The following PELI1 variants were observed in gnomAD, a reference collection of about 807,000 sequenced individuals.
The protein encoded by PELI1 is pellino E3 ubiquitin protein ligase 1.
PELI1 carries 15 observed loss-of-function variants against 41.3 expected under a neutral mutation model. The observed-to-expected ratio is 0.36, with a 90% CI of 0.24 to 0.56. The LOEUF (loss-of-function observed/expected upper bound fraction) is 0.56, where lower values mean the gene tolerates loss of function less well. Among genes scored for constraint, PELI1 ranks in the 20% least tolerant of loss-of-function variants. The probability of loss-of-function intolerance (pLI) is 0.82; values close to 1 mark genes in which losing one functional copy is unlikely to be tolerated. For missense variants in PELI1, 403 were observed against 525.5 expected (o/e 0.77, Z 2.28); for synonymous variants, 178 against 180.1 (o/e 0.99, Z 0.09).
At chr2:64,107,897 C>T (rs1276247675) in intron 2 of PELI1, among the ~76,000 whole-genome samples, 4 of 152,124 alleles carry the variant, frequency 2.6e-5, no homozygotes, top group Admixed American at 2.6e-4. Flanking sequence ...AGGCTGGTCT[C>T]GAATTCCTGG....
chr2:64,096,943 T>C (rs1051747231), intron 4 of PELI1, among the ~76,000 whole-genome samples: 1 of 152,170 alleles, frequency 6.6e-6, no homozygotes, highest in Non-Finnish European at 1.5e-5. Context: ...ATCATGTAGT[T>C]TTTTTCTCTT....
At chr2:64,138,433 A>G (rs1474728792) in intron 1 of PELI1, among the ~76,000 whole-genome samples, 1 of 152,136 alleles carries the variant, frequency 6.6e-6, no homozygotes, top group Non-Finnish European at 1.5e-5. Flanking sequence ...ACTACCCTTT[A>G]AAACTGCATC....
chr2:64,102,272 CA>C (rs1680465573), intron 3 of PELI1, among the ~76,000 whole-genome samples: 1 of 151,982 alleles, frequency 6.6e-6, no homozygotes, highest in Non-Finnish European at 1.5e-5. Context: ...TTTCTTTCTA[CA>C]CATTTAGGTA....
At chr2:64,144,005 T>C (rs1257068027) in intron 1 of PELI1, 76 bp downstream of exon 1, 3 of 151,152 alleles carry the variant, frequency 2.0e-5, no homozygotes, top group African/African-American at 7.3e-5. Context: ...GCCGAGGAAG[T>C]TGCGCGCCCG....
rs372716484 is a variant in PELI1 at position 64,094,149 on chromosome 2, C to A, written c.*553G>T. ...ATTTAGATTGGGGTGGGGAGAGAGG[C>A]TCTCTCGTCCTTCTTCCTAACTTTG... On this transcript the variant is annotated 3_prime_UTR_variant, in exon 7 of 7. Transcript: ENST00000358912. 2.0e-5 allele frequency: 3 copies of A among 152,606 alleles called. No individual in the cohort carries two copies. In the East Asian group the frequency reaches 5.8e-4, roughly 29 times the overall value. 9.5% of individuals were successfully genotyped at this position (152,606 alleles called of 1,614,324 possible).
chr2:64,096,942 T>G (rs329499), intron 4 of PELI1, among the ~76,000 whole-genome samples: 126,515 of 152,196 alleles, frequency 0.83, 53,136 homozygotes, highest in East Asian at 0.96. Context: ...TATCATGTAG[T>G]TTTTTTCTCT....
chr2:64,103,432 T>C (rs1435934209), intron 3 of PELI1, among the ~76,000 whole-genome samples: 2 of 152,142 alleles, frequency 1.3e-5, no homozygotes, highest in South Asian at 2.1e-4. Flanking sequence ...AAATGTCCTG[T>C]AGTATGTGGG....
At chr2:64,131,404 C>T (rs1470986476) in intron 1 of PELI1, among the ~76,000 whole-genome samples, 2 of 151,708 alleles carry the variant, frequency 1.3e-5, no homozygotes, top group Non-Finnish European at 2.9e-5. Flanking sequence ...AATGTAAGTG[C>T]TATGAAAATA....
Position 64,096,563 on chromosome 2 carries a change from C to T in PELI1, c.351G>A (p.Thr117=), listed in dbSNP as rs1057099465. The T allele has an allele frequency of 9.3e-6, 15 of 1,612,816 alleles. No individual in the cohort carries two copies. The highest frequency in any genetic ancestry group is 3.3e-5 in the Admixed American group (2 of 59,988). Residue 117 remains threonine (T), a synonymous_variant, in exon 5 of 7, where the codon ACG becomes ACA. Transcript: ENST00000358912. ...CAGAATTACTTTGACTTCCAGGAACCGTGTCAGTTACTACAAAATCAATGG... is the reference window on the plus strand; with the variant it reads ...CAGAATTACTTTGACTTCCAGGAACTGTGTCAGTTACTACAAAATCAATGG... ...ESPIDFVVTD[T]VPGSQSNSDT...
chr2:64,110,442 T>C lies in PELI1; in HGVS notation c.-69-2063A>G, dbSNP rs145193075. On this transcript the variant is annotated intron_variant, in intron 1 of 6. Coordinates refer to ENST00000358912, the MANE Select transcript of PELI1 (RefSeq NM_020651.4). ...CAAGACATTCTCAGACGAGGAAAAA[T>C]TGAGAGAATTTGTTACCAGCAGACC... Among the ~76,000 whole-genome samples the C allele has an allele frequency of 3.3e-3, 505 of 151,544 alleles. 1 individual carries two copies. The highest frequency in any genetic ancestry group is 0.012 in the African/African-American group (479 of 41,290).
chr2:64,140,130 G>A (rs1370119953), intron 1 of PELI1, among the ~76,000 whole-genome samples: 1 of 152,092 alleles, frequency 6.6e-6, no homozygotes, highest in African/African-American at 2.4e-5. Flanking sequence ...GAAACCGCGG[G>A]TATTACATAT....
At chr2:64,134,378 T>A in intron 1 of PELI1, among the ~76,000 whole-genome samples, 1 of 152,142 alleles carries the variant, frequency 6.6e-6, no homozygotes, top group East Asian at 1.9e-4. Context: ...TAAGAGCCCC[T>A]CCTCAAAATT....
intron 1 of PELI1, among the ~76,000 whole-genome samples, chr2:64,132,620 A>C (rs1005261774): frequency 6.6e-6 from 1 of 152,184 alleles, no homozygotes; most frequent in Non-Finnish European, 1.5e-5. Context: ...GAAAGGGAAA[A>C]ACAACAAAAT....
intron 1 of PELI1, among the ~76,000 whole-genome samples, chr2:64,139,814 C>T (rs1276584532): frequency 2.0e-5 from 3 of 152,190 alleles, no homozygotes; most frequent in Non-Finnish European, 4.4e-5. Flanking sequence ...CTCTTTCCTG[C>T]TAAGTTTGAA....
Position 64,092,711 on chromosome 2 carries a change from A to ATACTT in PELI1, c.*1986_*1990dup, listed in dbSNP as rs1680097387. On this transcript the variant is annotated 3_prime_UTR_variant, in exon 7 of 7. Coordinates refer to ENST00000358912, the MANE Select transcript of PELI1 (RefSeq NM_020651.4). Reference sequence around the variant, plus strand: ...AGAGATGCTTTTAAAAAAGAACCAGATACTTTAAAGTGTTACATTAAATGC... The same window carrying ATACTT: ...AGAGATGCTTTTAAAAAAGAACCAGATACTTTACTTTAAAGTGTTACATTAAATGC... 6.6e-6 allele frequency: 1 copy of ATACTT among 152,204 alleles called. No individual in the cohort carries two copies. Among genetic ancestry groups the ATACTT allele is most frequent in the Non-Finnish European group, 1.5e-5 (1 of 68,036 alleles). 9.4% of individuals were successfully genotyped at this position (152,204 alleles called of 1,614,324 possible). A position where few individuals can be genotyped will look rare whatever the true frequency, so the allele number is the denominator to read the frequency against.
chr2:64,128,219 A>T (rs933092359), intron 1 of PELI1, among the ~76,000 whole-genome samples: 1 of 152,156 alleles, frequency 6.6e-6, no homozygotes, highest in African/African-American at 2.4e-5. Flanking sequence ...TTAGTTCAGT[A>T]AACATTTATG....
At chr2:64,140,630 T>C (rs927174483) in intron 1 of PELI1, among the ~76,000 whole-genome samples, 3 of 151,764 alleles carry the variant, frequency 2.0e-5, no homozygotes, top group Admixed American at 6.6e-5. Context: ...AATTAGAAAT[T>C]CCCTGACATC....
intron 1 of PELI1, among the ~76,000 whole-genome samples, chr2:64,121,561 TAAA>T (rs761741089): frequency 2.1e-4 from 32 of 152,316 alleles, no homozygotes; most frequent in Non-Finnish European, 3.8e-4. Context: ...TTTTTTTTCT[TAAA>T]AAGTTCTAAA....
At chr2:64,140,635 G>T (rs1390725238) in intron 1 of PELI1, among the ~76,000 whole-genome samples, 1 of 151,494 alleles carries the variant, frequency 6.6e-6, no homozygotes, top group South Asian at 2.1e-4. Context: ...GAAATTCCCT[G>T]ACATCCATTC....
Sources: allele counts gnomAD v4.1 joint callset (sites outside exome capture counted in the v4.1 genomes callset), GRCh38; gene constraint gnomAD v4.1.1; transcripts MANE v1.5; gene names NCBI Gene and HGNC (gene_info 2026-07-23, HGNC 2026-07-21).